The following PLCL1 variants were observed in gnomAD, a reference collection of about 807,000 sequenced individuals.
PLCL1 encodes phospholipase C like 1 (inactive).
Under a neutral mutation model 84.4 loss-of-function variants are expected in PLCL1, and 41 were observed. That is an observed-to-expected ratio of 0.49 (90% CI 0.38 to 0.63). PLCL1 has a LOEUF of 0.63. PLCL1 is among the 30% of genes least tolerant of loss of function. The probability of loss-of-function intolerance (pLI) is 0.00; values close to 1 mark genes in which losing one functional copy is unlikely to be tolerated. For synonymous variants in PLCL1, 490 were observed against 488.3 expected (o/e 1.00, Z -0.05); for missense variants, 1,206 against 1,367.8 (o/e 0.88, Z 1.87).
intron 1 of PLCL1, among the ~76,000 whole-genome samples, chr2:197,978,369 C>T (rs1352890379): frequency 6.6e-6 from 1 of 151,978 alleles, no homozygotes; most frequent in African/African-American, 2.4e-5. Flanking sequence ...CCCAGCTACT[C>T]GGGAGGCTGA....
At chr2:197,864,861 G>A (rs1004889613) in intron 1 of PLCL1, among the ~76,000 whole-genome samples, 1 of 152,066 alleles carries the variant, frequency 6.6e-6, no homozygotes, top group Non-Finnish European at 1.5e-5. Flanking sequence ...TTACAGAAGC[G>A]GTTAAGAACT....
Position 198,139,913 on chromosome 2 carries a change from AT to A in PLCL1, c.3106-6864del, listed in dbSNP as rs1029639428. Among the ~76,000 whole-genome samples the A allele has an allele frequency of 3.0e-4, 46 of 152,146 alleles. 1 individual carries two copies. Among genetic ancestry groups the A allele is most frequent in the Non-Finnish European group, 5.1e-4 (35 of 67,978 alleles). ...GGTATAACAGGGACAATAAATGAGAATTTGAAACATTAAATTTCATACTTTT... is the reference window on the plus strand; with the variant it reads ...GGTATAACAGGGACAATAAATGAGAATTGAAACATTAAATTTCATACTTTT... On this transcript the variant is annotated intron_variant, in intron 5 of 5. Coordinates refer to ENST00000428675, the MANE Select transcript of PLCL1 (RefSeq NM_006226.4).
intron 1 of PLCL1, among the ~76,000 whole-genome samples, chr2:197,920,942 C>T (rs1688688685): frequency 6.6e-6 from 1 of 152,190 alleles, no homozygotes; most frequent in Non-Finnish European, 1.5e-5. Context: ...AGTGATTGTA[C>T]AGTCATGTGT....
intron 1 of PLCL1, among the ~76,000 whole-genome samples, chr2:197,862,271 G>C (rs1404167728): frequency 6.6e-6 from 1 of 152,128 alleles, no homozygotes; most frequent in Non-Finnish European, 1.5e-5. Context: ...TTGAAATACT[G>C]TTCTTTATAT....
rs537902869 is a variant in PLCL1, at chr2:197,903,522, C to A, written c.240+98183C>A. On this transcript the variant is annotated intron_variant, in intron 1 of 5. Transcript: ENST00000428675. The stretch of plus-strand genomic sequence containing the variant: ...TTTTTGAGACGGAGTCTCGCTTTGT[C>A]GCCCAGGCTGGAGTGCAGTGGCGAG... 6.1e-4 allele frequency among the ~76,000 whole-genome samples: 69 copies of A among 112,594 alleles called. 4 individuals are homozygous for A. The South Asian group carries it at 0.015, about 24-fold the overall frequency. The allele number at this position is 112,594 out of a possible 152,430, so 73.9% of individuals were successfully genotyped here.
At chr2:198,143,597 T>C (rs1057240019) in intron 5 of PLCL1, among the ~76,000 whole-genome samples, 1 of 152,110 alleles carries the variant, frequency 6.6e-6, no homozygotes, top group Non-Finnish European at 1.5e-5. Context: ...AATTGCTGCA[T>C]ATAAAATGGG....
At chr2:197,808,908 C>G (rs969958780) in intron 1 of PLCL1, among the ~76,000 whole-genome samples, 10 of 152,108 alleles carry the variant, frequency 6.6e-5, no homozygotes, top group Non-Finnish European at 8.8e-5. Flanking sequence ...GAAATTGTCA[C>G]TTGGATCTCA....
chr2:198,072,178 T>C lies in PLCL1; in HGVS notation c.241-11580T>C, dbSNP rs75224841. On this transcript the variant is annotated intron_variant, in intron 1 of 5. Coordinates refer to ENST00000428675, the MANE Select transcript of PLCL1 (RefSeq NM_006226.4). ...TAAGTGAAATAAAATTATATAAGTTTTGCACATATCTTGTTAAGTTTATTC... is the reference window on the plus strand; with the variant it reads ...TAAGTGAAATAAAATTATATAAGTTCTGCACATATCTTGTTAAGTTTATTC... 9.2e-3 allele frequency among the ~76,000 whole-genome samples: 1,394 copies of C among 152,042 alleles called. 24 individuals are homozygous for C. The highest frequency in any genetic ancestry group is 0.032 in the African/African-American group (1,330 of 41,556).
intron 1 of PLCL1, among the ~76,000 whole-genome samples, chr2:197,867,034 T>G (rs1687563585): frequency 6.6e-6 from 1 of 152,136 alleles, no homozygotes; most frequent in Non-Finnish European, 1.5e-5. Context: ...CCGAGATGCA[T>G]TAGCAAACAC....
At chr2:197,942,230 T>C (rs369590544) in intron 1 of PLCL1, among the ~76,000 whole-genome samples, 2 of 152,300 alleles carry the variant, frequency 1.3e-5, no homozygotes, top group Non-Finnish European at 1.5e-5. Context: ...CCCTCCACTT[T>C]TGCTTTTCAA....
chr2:198,076,261 T>C (rs754587977), intron 1 of PLCL1, among the ~76,000 whole-genome samples: 2 of 152,126 alleles, frequency 1.3e-5, no homozygotes, highest in Non-Finnish European at 2.9e-5. Context: ...TCAGAGAAGA[T>C]GTGTAAAATT....
At chr2:198,037,630 A>C (rs1270075524) in intron 1 of PLCL1, among the ~76,000 whole-genome samples, 1 of 152,226 alleles carries the variant, frequency 6.6e-6, no homozygotes, top group Non-Finnish European at 1.5e-5. Context: ...ACCTATCTTA[A>C]ATACTCTCTA....
At chr2:198,069,015 A>G (rs113884152) in intron 1 of PLCL1, among the ~76,000 whole-genome samples, 4,663 of 152,170 alleles carry the variant, frequency 0.031, 228 homozygotes, top group African/African-American at 0.11. Flanking sequence ...AGCCTGGGCG[A>G]CAGAGTGAGA....
intron 1 of PLCL1, among the ~76,000 whole-genome samples, chr2:197,910,269 GCC>G (rs1286446983): frequency 1.3e-5 from 2 of 152,198 alleles, no homozygotes; most frequent in African/African-American, 4.8e-5. Flanking sequence ...CACTGAAGAT[GCC>G]CAAGCATTTT....
chr2:197,965,243 T>C (rs73056889), intron 1 of PLCL1, among the ~76,000 whole-genome samples: 2,806 of 152,260 alleles, frequency 0.018, 76 homozygotes, highest in African/African-American at 0.061. Flanking sequence ...TGTTTACTTG[T>C]TACTAATCTC....
At chr2:197,994,972 G>T (rs1463848925) in intron 1 of PLCL1, among the ~76,000 whole-genome samples, 3 of 152,148 alleles carry the variant, frequency 2.0e-5, no homozygotes, top group African/African-American at 7.2e-5. Flanking sequence ...TGATTAAGCT[G>T]TCATTTCTCA....
intron 1 of PLCL1, among the ~76,000 whole-genome samples, chr2:197,982,275 C>A (rs1690122535): frequency 6.6e-6 from 1 of 151,552 alleles, no homozygotes; most frequent in Non-Finnish European, 1.5e-5. Context: ...CAACTAGGAG[C>A]CCCTTTGTAT....
chr2:197,987,548 G>A (rs1690242246), intron 1 of PLCL1, among the ~76,000 whole-genome samples: 1 of 152,170 alleles, frequency 6.6e-6, no homozygotes, highest in Non-Finnish European at 1.5e-5. Flanking sequence ...CCCTGATCTA[G>A]ACTAGGATAC....
At chr2:197,869,750 T>G (rs1384551982) in intron 1 of PLCL1, among the ~76,000 whole-genome samples, 1 of 152,184 alleles carries the variant, frequency 6.6e-6, no homozygotes, top group Non-Finnish European at 1.5e-5. Flanking sequence ...GTGTTTGGTT[T>G]TAATCCCTCC....
Sources: allele counts gnomAD v4.1 joint callset (sites outside exome capture counted in the v4.1 genomes callset), GRCh38; gene constraint gnomAD v4.1.1; transcripts MANE v1.5; gene names NCBI Gene and HGNC (gene_info 2026-07-23, HGNC 2026-07-21).